DIAPH2: variants seen among roughly 807,000 people sequenced by gnomAD.
DIAPH2 encodes diaphanous related formin 2.
Under a neutral mutation model 92.7 loss-of-function variants are expected in DIAPH2, and 35 were observed. That is an observed-to-expected ratio of 0.38 (90% confidence interval 0.29 to 0.50). The LOEUF is 0.50. Among genes scored for constraint, DIAPH2 ranks in the 20% least tolerant of loss-of-function variants. The pLI is 0.94. For synonymous variants in DIAPH2, 301 were observed against 280.4 expected, an observed-to-expected ratio of 1.07 and a Z score of -0.73; for missense variants, 701 against 819.5, an observed-to-expected ratio of 0.86 and a Z score of 1.77.
intron 1 of DIAPH2, among the ~76,000 whole-genome samples, chrX:96,715,474 G>A (rs953687655): frequency 9.0e-6 from 1 of 111,436 alleles, no homozygotes; most frequent in African/African-American, 3.3e-5. Context: ...GTCTTTGAAA[G>A]TCACACTCTA....
chrX:97,183,886 C>G (rs1371199305), intron 22 of DIAPH2, among the ~76,000 whole-genome samples: 1 of 112,237 alleles, frequency 8.9e-6, no homozygotes, highest in Non-Finnish European at 1.9e-5. Context: ...TGATATGGAA[C>G]TGAATGCACT....
chrX:97,449,223 A>T (rs963638048), intron 26 of DIAPH2, among the ~76,000 whole-genome samples: 1 of 112,014 alleles, frequency 8.9e-6, no homozygotes, highest in Admixed American at 9.5e-5. Flanking sequence ...GATCACAGAT[A>T]ATAAGTTTTC....
chrX:97,467,104 A>G (rs2070519439), intron 26 of DIAPH2, among the ~76,000 whole-genome samples: 1 of 112,160 alleles, frequency 8.9e-6, no homozygotes, highest in Non-Finnish European at 1.9e-5. Context: ...AATTCTATGT[A>G]AGTAGTATAA....
chrX:96,874,587 A>C (rs1187216859), intron 4 of DIAPH2, among the ~76,000 whole-genome samples: 1 of 111,930 alleles, frequency 8.9e-6, no homozygotes, highest in Non-Finnish European at 1.9e-5. Context: ...AAATATTTTA[A>C]TTTGCTTTCG....
chrX:96,763,092 G>A, intron 4 of DIAPH2: 1 of 961,854 alleles, frequency 1.0e-6, no homozygotes, highest in Non-Finnish European at 1.3e-6. Context: ...GTTGACCACT[G>A]CATGCAGATA....
chrX:96,894,285 A>G (rs1420258557), intron 5 of DIAPH2, among the ~76,000 whole-genome samples: 1 of 108,157 alleles, frequency 9.2e-6, no homozygotes, highest in Non-Finnish European at 1.9e-5. Context: ...GTGGTACCAT[A>G]CTTCCCTTGA....
At chrX:97,407,832 T>A in intron 25 of DIAPH2, among the ~76,000 whole-genome samples, 1 of 111,853 alleles carries the variant, frequency 8.9e-6, no homozygotes. Context: ...TCATGGAAGT[T>A]TTTGAATTAA....
At chrX:97,344,895 A>C (rs1429349775) in intron 23 of DIAPH2, among the ~76,000 whole-genome samples, 1 of 112,107 alleles carries the variant, frequency 8.9e-6, no homozygotes, top group African/African-American at 3.2e-5. Context: ...TGCAATATGC[A>C]AACAGTTTAG....
At chrX:96,773,840 C>G (rs1252530000) in intron 4 of DIAPH2, among the ~76,000 whole-genome samples, 1 of 111,104 alleles carries the variant, frequency 9.0e-6, no homozygotes, top group East Asian at 2.8e-4. Context: ...GAGTAAGACT[C>G]TGTCTCAAAA....
intron 24 of DIAPH2, among the ~76,000 whole-genome samples, chrX:97,357,829 G>C (rs1016485313): frequency 8.9e-6 from 1 of 112,114 alleles, no homozygotes; most frequent in African/African-American, 3.2e-5. Flanking sequence ...CAAAGAGCTT[G>C]TAAGCACAGA....
At chrX:96,996,258 A>G (rs2066104434) in intron 17 of DIAPH2, among the ~76,000 whole-genome samples, 1 of 112,094 alleles carries the variant, frequency 8.9e-6, no homozygotes, top group African/African-American at 3.2e-5. Context: ...AGTTTTTGAT[A>G]CTAGCAAAGA....
At chrX:97,496,509 TA>T (rs1175278530) in intron 26 of DIAPH2, among the ~76,000 whole-genome samples, 2 of 108,254 alleles carry the variant, frequency 1.8e-5, no homozygotes, top group African/African-American at 3.4e-5. Context: ...GTTCATATGT[TA>T]AAAAAAAAGA....
rs994845563 is a variant in DIAPH2 at position 97,276,095 on chromosome X, C to T, written c.2844+28256C>T. Among the ~76,000 whole-genome samples, 24 of 112,174 alleles carry T rather than the reference C, an allele frequency of 2.1e-4. 1 individual carries two copies. The highest frequency in any genetic ancestry group is 7.4e-4 in the African/African-American group (23 of 30,985). ...CTGGAGACCAGCCCGGCCAACACAG[C>T]GAAACCCCGTCTCCACCAAAAAAAT... On this transcript the variant is annotated intron_variant, in intron 23 of 26. Coordinates refer to ENST00000324765, the MANE Select transcript of DIAPH2 (RefSeq NM_006729.5).
chrX:96,815,769 A>G (rs4969697), intron 4 of DIAPH2, among the ~76,000 whole-genome samples: 11,375 of 110,365 alleles, frequency 0.1, 536 homozygotes, highest in East Asian at 0.32. Flanking sequence ...CGTTCAAGCA[A>G]TTCTCCTGCC....
intron 24 of DIAPH2, among the ~76,000 whole-genome samples, chrX:97,354,192 G>A (rs991050080): frequency 3.6e-5 from 4 of 110,826 alleles, no homozygotes; most frequent in East Asian, 5.7e-4. Context: ...ACCATCTCTC[G>A]TCCGGACTAT....
intron 17 of DIAPH2, among the ~76,000 whole-genome samples, chrX:97,025,289 G>T (rs890491070): frequency 9.0e-6 from 1 of 110,696 alleles, no homozygotes; most frequent in Non-Finnish European, 1.9e-5. Context: ...GGCAGAGGTT[G>T]CAGTGAGCCG....
chrX:97,453,663 G>A (rs1012088346), intron 26 of DIAPH2, among the ~76,000 whole-genome samples: 9 of 111,574 alleles, frequency 8.1e-5, no homozygotes, highest in African/African-American at 2.9e-4. Flanking sequence ...GTTGTTGTTT[G>A]ACCTATGAAA....
At position 97,220,506 on chromosome X, in the gene DIAPH2, C is replaced by T. The variant is rs138442024; in HGVS notation, c.2720-27209C>T. ...CACTTCTGTTCCACCATCTGCTCCC[C>T]CACCACCCCATCGCAGATTACAGTG... is the stretch of plus-strand genomic sequence containing the variant. On this transcript the variant is annotated intron_variant, in intron 22 of 26. Coordinates refer to ENST00000324765, the MANE Select transcript of DIAPH2 (RefSeq NM_006729.5). Among the ~76,000 whole-genome samples the T allele has an allele frequency of 5.5e-3, 616 of 111,752 alleles. 2 individuals are homozygous for T. The highest frequency in any genetic ancestry group is 0.019 in the African/African-American group (576 of 30,775).
intron 10 of DIAPH2, among the ~76,000 whole-genome samples, chrX:96,935,482 A>T (rs2065651103): frequency 1.8e-5 from 2 of 111,346 alleles, no homozygotes; most frequent in African/African-American, 6.5e-5. Context: ...TATAACATTG[A>T]TGAGAAAAGA....
Sources: allele counts gnomAD v4.1 joint callset (sites outside exome capture counted in the v4.1 genomes callset), GRCh38; gene constraint gnomAD v4.1.1; transcripts MANE v1.5; gene names NCBI Gene and HGNC (gene_info 2026-07-23, HGNC 2026-07-21).